The following KPNA1 variants were observed in gnomAD, a reference collection of about 807,000 sequenced individuals.
KPNA1 encodes the protein importin subunit alpha-5.
Under a neutral mutation model 70.5 loss-of-function variants are expected in KPNA1, and 10 were observed. That is an observed-to-expected ratio of 0.14 (90% CI 0.09 to 0.24). The LOEUF (loss-of-function observed/expected upper bound fraction) is 0.24, where lower values mean the gene tolerates loss of function less well. Among genes scored for constraint, KPNA1 ranks in the 10% least tolerant of loss-of-function variants. The pLI is 1.00. For synonymous variants in KPNA1, 192 were observed against 221.9 expected (o/e 0.87, Z 1.20); for missense variants, 397 against 637.9 (o/e 0.62, Z 4.07).
intron 2 of KPNA1, among the ~76,000 whole-genome samples, chr3:122,469,568 T>C (rs563551770): frequency 8.5e-5 from 13 of 152,244 alleles, no homozygotes; most frequent in Non-Finnish European, 1.8e-4. Context: ...TGTAACCAGG[T>C]ACAAAAATAA....
In KPNA1 at chr3:122,425,237, A is replaced by T. The variant is rs1351430208; in HGVS notation, c.*1748T>A. The stretch of plus-strand genomic sequence containing the variant: ...AGTGGATTTTTTAAAAGTTTAAATC[A>T]GGTCACATAAGTTGGCTGCTTAAAT... On this transcript the variant is annotated 3_prime_UTR_variant, in exon 14 of 14. Transcript: ENST00000344337. 6.5e-6 allele frequency: 1 copy of T among 152,690 alleles called. No individual in the cohort carries two copies. Among genetic ancestry groups the T allele is most frequent in the African/African-American group, 2.4e-5 (1 of 41,480 alleles). 9.5% of individuals were successfully genotyped at this position (152,690 alleles called of 1,614,324 possible). A position where few individuals can be genotyped will look rare whatever the true frequency, so the allele number is the denominator to read the frequency against.
rs542212851 is a variant in KPNA1, at chr3:122,494,299, T to C, written c.129+2138A>G. Among the ~76,000 whole-genome samples the C allele has an allele frequency of 3.3e-5, 5 of 152,356 alleles. No individual in the cohort carries two copies. The East Asian group carries it at 9.6e-4, about 29-fold the overall frequency. ...TATACATTTAATTATTGAATCCATC[T>C]TGAGTTAATTTTTGTATATGGTAGG... On this transcript the variant is annotated intron_variant, in intron 2 of 13. Coordinates refer to ENST00000344337, the MANE Select transcript of KPNA1 (RefSeq NM_002264.4).
intron 2 of KPNA1, among the ~76,000 whole-genome samples, chr3:122,492,454 C>T (rs527464099): frequency 6.6e-6 from 1 of 152,034 alleles, no homozygotes; most frequent in East Asian, 1.9e-4. Context: ...AAATTTCTAG[C>T]AGCCATTTGA....
chr3:122,466,089 A>C (rs1162688751), intron 3 of KPNA1, among the ~76,000 whole-genome samples: 1 of 152,218 alleles, frequency 6.6e-6, no homozygotes, highest in Non-Finnish European at 1.5e-5. Context: ...AACTTTCATC[A>C]CAAAATGATG....
intron 5 of KPNA1, chr3:122,460,744 G>A (rs1047143596): frequency 1.1e-6 from 1 of 880,860 alleles, no homozygotes; most frequent in Non-Finnish European, 1.4e-6. Context: ...AATTGACACA[G>A]CAATAAGTAC....
chr3:122,513,653 A>C (rs114813362), intron 1 of KPNA1, among the ~76,000 whole-genome samples: 1,995 of 152,166 alleles, frequency 0.013, 39 homozygotes, highest in African/African-American at 0.046. Context: ...AAAAAAAAAA[A>C]CAAAACAGGA....
In KPNA1 at chr3:122,496,584, G is replaced by A. The variant is rs1467639796; in HGVS notation, c.-5-14C>T. 7 of 1,611,122 alleles carry A rather than the reference G, an allele frequency of 4.3e-6. No homozygotes were observed. The highest frequency in any genetic ancestry group is 2.7e-5 in the African/African-American group (2 of 74,724). On this transcript the variant is annotated splice_polypyrimidine_tract_variant and intron_variant, in intron 1 of 13. Coordinates refer to ENST00000344337, the MANE Select transcript of KPNA1 (RefSeq NM_002264.4). ...TGGTCATGATTTCTACAATACAAGT[G>A]GGGAGAGAACAAATGAGTTTACTGT...
At chr3:122,494,598 G>A (rs2076736142) in intron 2 of KPNA1, among the ~76,000 whole-genome samples, 1 of 152,034 alleles carries the variant, frequency 6.6e-6, no homozygotes, top group Admixed American at 6.6e-5. Flanking sequence ...TGCTTAAGAT[G>A]GCTTTGGCAA....
At position 122,489,304 on chromosome 3, in the gene KPNA1, T is replaced by G. The variant is rs12637724; in HGVS notation, c.129+7133A>C. ...TTGTTTGTTTTTTTTTGTTTGTTTT[T>G]TTTTTAAGAGGGTCTCACTCTGTCA... On this transcript the variant is annotated intron_variant, in intron 2 of 13. Transcript: ENST00000344337. Among the ~76,000 whole-genome samples the G allele has an allele frequency of 4.2e-3, 639 of 151,788 alleles. 8 individuals are homozygous for G. The East Asian group carries it at 0.074, about 18-fold the overall frequency.
intron 2 of KPNA1, among the ~76,000 whole-genome samples, chr3:122,488,789 C>T (rs2076659967): frequency 6.6e-6 from 1 of 152,056 alleles, no homozygotes; most frequent in African/African-American, 2.4e-5. Context: ...TTACTCTGGG[C>T]GTTTTTAAGA....
chr3:122,462,133 C>T (rs1335866774), intron 4 of KPNA1, among the ~76,000 whole-genome samples: 1 of 151,888 alleles, frequency 6.6e-6, no homozygotes, highest in African/African-American at 2.4e-5. Context: ...CACAAAAAAA[C>T]AAATTTGATG....
At chr3:122,482,034 A>G (rs2076576803) in intron 2 of KPNA1, among the ~76,000 whole-genome samples, 1 of 152,248 alleles carries the variant, frequency 6.6e-6, no homozygotes, top group Non-Finnish European at 1.5e-5. Flanking sequence ...AACTTCCTTA[A>G]TCTCATAAAA....
chr3:122,446,486 C>T (rs1460205749), intron 9 of KPNA1, among the ~76,000 whole-genome samples: 1 of 152,192 alleles, frequency 6.6e-6, no homozygotes, highest in Non-Finnish European at 1.5e-5. Context: ...AAAACAAAGA[C>T]ACAACATACC....
intron 1 of KPNA1, among the ~76,000 whole-genome samples, chr3:122,513,669 GA>G (rs984424441): frequency 6.6e-6 from 1 of 151,776 alleles, no homozygotes; most frequent in African/African-American, 2.4e-5. Context: ...CAGGAGGGGG[GA>G]AATCACTTCA....
chr3:122,428,479 AAAAT>A (rs1386516091), intron 12 of KPNA1, among the ~76,000 whole-genome samples: 1 of 152,176 alleles, frequency 6.6e-6, no homozygotes, highest in Non-Finnish European at 1.5e-5. Context: ...AAAATATATA[AAAAT>A]AAATCTCTAG....
At chr3:122,496,216 G>C (rs1576342002) in intron 2 of KPNA1, among the ~76,000 whole-genome samples, 1 of 151,962 alleles carries the variant, frequency 6.6e-6, no homozygotes, top group East Asian at 1.9e-4. Context: ...GTTATGCTGA[G>C]AAAATGAGAA....
chr3:122,492,111 C>T (rs1480124950), intron 2 of KPNA1, among the ~76,000 whole-genome samples: 4 of 152,060 alleles, frequency 2.6e-5, no homozygotes, highest in South Asian at 2.1e-4. Flanking sequence ...CCGCCCGTCT[C>T]GGCCTCCCAA....
intron 5 of KPNA1, among the ~76,000 whole-genome samples, chr3:122,456,055 G>T (rs1052739840): frequency 6.6e-6 from 1 of 152,050 alleles, no homozygotes; most frequent in Non-Finnish European, 1.5e-5. Context: ...AATACATTAC[G>T]AAGCCCAGTC....
At chr3:122,450,181 T>C (rs1215191464) in intron 8 of KPNA1, among the ~76,000 whole-genome samples, 1 of 152,008 alleles carries the variant, frequency 6.6e-6, no homozygotes, top group Non-Finnish European at 1.5e-5. Flanking sequence ...ATATCCAGAA[T>C]CTGCAAGAAA....
Sources: gnomAD v4.1 joint callset for allele counts (sites outside exome capture counted in the v4.1 genomes callset) on GRCh38, gnomAD v4.1.1 for gene constraint, MANE v1.5 for transcripts, NCBI Gene and HGNC (gene_info 2026-07-23, HGNC 2026-07-21) for gene names.